The following CHEK1 variants were observed in gnomAD, a reference collection of about 807,000 sequenced individuals.
The protein encoded by CHEK1 is serine/threonine-protein kinase Chk1.
Under a neutral mutation model 60.2 loss-of-function variants are expected in CHEK1, and 32 were observed. That is an observed-to-expected ratio of 0.53 (90% CI 0.40 to 0.71). The LOEUF (loss-of-function observed/expected upper bound fraction) is 0.71. Among genes scored for constraint, CHEK1 ranks in the 30% least tolerant of loss-of-function variants. The probability of loss-of-function intolerance (pLI) is 0.00; values close to 1 mark genes in which losing one functional copy is unlikely to be tolerated. For missense variants in CHEK1, 399 were observed against 564.6 expected, an observed-to-expected ratio of 0.71 and a Z score of 2.97; for synonymous variants, 179 against 187.2, an observed-to-expected ratio of 0.96 and a Z score of 0.36.
Position 125,629,269 on chromosome 11 carries a change from ATTC to A in CHEK1, c.331_333del (p.Phe111del). The A allele has an allele frequency of 6.2e-7, 1 of 1,614,168 alleles. No homozygotes were observed. The highest frequency in any genetic ancestry group is 8.5e-7 in the Non-Finnish European group (1 of 1,180,026). ...GCATGCCTGAACCAGATGCTCAGAG[ATTC>A]TTCCATCAACTCATGGCAGGGGTGG... On this transcript the variant is annotated inframe_deletion, in exon 4 of 13. Transcript: ENST00000438015.
At chr11:125,642,828 C>G (rs1941355839) in intron 8 of CHEK1, 1 of 152,018 alleles carries the variant, frequency 6.6e-6, no homozygotes, top group Non-Finnish European at 1.5e-5. Flanking sequence ...TATTTTTTCT[C>G]TGAAATGGGA....
At chr11:125,632,759 G>A (rs938512036) in intron 5 of CHEK1, among the ~76,000 whole-genome samples, 14 of 152,216 alleles carry the variant, frequency 9.2e-5, no homozygotes, top group African/African-American at 3.4e-4. Context: ...GTTTGCTGCT[G>A]AGAAAGTTGT....
intron 8 of CHEK1, among the ~76,000 whole-genome samples, chr11:125,637,965 C>G (rs1054616654): frequency 2.6e-5 from 4 of 152,182 alleles, no homozygotes; most frequent in Admixed American, 2.6e-4. Flanking sequence ...TTGTGTTCAT[C>G]ATTGTATCAT....
downstream of CHEK1, chr11:125,677,838 C>T: frequency 6.2e-7 from 1 of 1,614,126 alleles, no homozygotes; most frequent in Non-Finnish European, 8.5e-7. Context: ...AGCCTGTTCC[C>T]CTGAAGCGTG....
At chr11:125,644,875 G>C (rs1406297971) in intron 11 of CHEK1, among the ~76,000 whole-genome samples, 1 of 152,058 alleles carries the variant, frequency 6.6e-6, no homozygotes, top group East Asian at 1.9e-4. Context: ...CGGCCTGGTG[G>C]TGCATGGCTG....
In CHEK1 at chr11:125,627,977, C is replaced by T. The variant is rs1055106865; in HGVS notation, c.289+147C>T. The T allele has an allele frequency of 2.8e-5, 17 of 601,278 alleles. No homozygotes were observed. In the South Asian group the frequency reaches 3.9e-4, roughly 14 times the overall value. The allele number at this position is 601,278 out of a possible 1,614,324, so 37.2% of individuals were successfully genotyped here. A position where few individuals can be genotyped will look rare whatever the true frequency, so the allele number is the denominator to read the frequency against. On this transcript the variant is annotated intron_variant, in intron 3 of 12. Transcript: ENST00000438015. Reference sequence around the variant, plus strand: ...CATTATCTTTAAAAAATTTTTCCACCTGGTGTTAATAACATAAAAGCATAT... The same window carrying T: ...CATTATCTTTAAAAAATTTTTCCACTTGGTGTTAATAACATAAAAGCATAT...
At chr11:125,645,167 T>G (rs1386203973) in intron 11 of CHEK1, among the ~76,000 whole-genome samples, 4 of 152,190 alleles carry the variant, frequency 2.6e-5, no homozygotes, top group Non-Finnish European at 4.4e-5. Context: ...TAAGAAATAA[T>G]ATTTCTTAAA....
chr11:125,672,418 A>C (rs937366146), intron 13 of CHEK1: 1 of 710,974 alleles, frequency 1.4e-6, no homozygotes, highest in African/African-American at 1.8e-5. Flanking sequence ...GACAGAGAAG[A>C]ATGGATAAAA....
Position 125,625,803 on chromosome 11 carries a change from C to T in CHEK1, c.-230C>T. Reference sequence around the variant, plus strand: ...TAAATCTCTTCAGCCAGGATCTCTCCCCGACTGCAAAGCAGCCCTGGGCGG... The same window carrying T: ...TAAATCTCTTCAGCCAGGATCTCTCTCCGACTGCAAAGCAGCCCTGGGCGG... On this transcript the variant is annotated 5_prime_UTR_variant, in exon 1 of 13. Transcript: ENST00000438015. The T allele has an allele frequency of 1.4e-6, 1 of 701,920 alleles. No individual in the cohort carries two copies. The highest frequency in any genetic ancestry group is 1.5e-5 in the South Asian group (1 of 67,584). 43.5% of individuals were successfully genotyped at this position (701,920 alleles called of 1,614,324 possible).
chr11:125,665,183 G>A (rs1478504755), intron 13 of CHEK1, among the ~76,000 whole-genome samples: 3 of 146,410 alleles, frequency 2.0e-5, no homozygotes, highest in African/African-American at 7.5e-5. Flanking sequence ...CTATAGCTTT[G>A]TAGTATAATT....
chr11:125,626,091 G>T (rs1940584697), intron 1 of CHEK1, 79 bp downstream of exon 1: 2 of 656,568 alleles, frequency 3.0e-6, no homozygotes, highest in Middle Eastern at 4.9e-4. Flanking sequence ...GGAGGGCATG[G>T]TGGGAGAAAG....
chr11:125,664,970 T>C (rs1942073411), intron 13 of CHEK1, among the ~76,000 whole-genome samples: 1 of 152,196 alleles, frequency 6.6e-6, no homozygotes, highest in Admixed American at 6.5e-5. Flanking sequence ...TGGTGAAAGA[T>C]ACGGCTCTAG....
Position 125,627,641 on chromosome 11 carries a change from G to C in CHEK1, c.100G>C (p.Ala34Pro). ...QLAVNRVTEE[A>P]VAVKIVDMKR... ...TGCTGTGAATAGAGTAACTGAAGAA[G>C]CAGTCGCAGTGAAGATTGTAGATAT... The change falls in exon 3 of 13, where the codon GCA becomes CCA. Residue 34 changes from alanine to proline, a missense_variant. Around this residue, in one of 2 missense-constraint regions of CHEK1, gnomAD observed 370 missense variants for 494.8 expected, o/e 0.75. Transcript: ENST00000438015. The C allele has an allele frequency of 6.2e-7, 1 of 1,613,790 alleles. No homozygotes were observed. Among genetic ancestry groups the C allele is most frequent in the African/African-American group, 1.3e-5 (1 of 75,036 alleles).
At chr11:125,654,351 T>G (rs1941834872) in intron 12 of CHEK1, among the ~76,000 whole-genome samples, 1 of 152,082 alleles carries the variant, frequency 6.6e-6, no homozygotes, top group South Asian at 2.1e-4. Context: ...AAATTTCTGC[T>G]TTTGTGAAAA....
chr11:125,627,013 G>A (rs979247567), intron 2 of CHEK1, among the ~76,000 whole-genome samples, 180 bp downstream of exon 2: 1 of 151,918 alleles, frequency 6.6e-6, no homozygotes, highest in Non-Finnish European at 1.5e-5. Flanking sequence ...AGTTTTCTTT[G>A]TAGAGAGCTG....
intron 13 of CHEK1, among the ~76,000 whole-genome samples, chr11:125,673,378 A>AT (rs1276953053): frequency 6.6e-6 from 1 of 151,158 alleles, no homozygotes; most frequent in African/African-American, 2.4e-5. Context: ...AATTTTTGTA[A>AT]TTTTATTAGA....
chr11:125,629,127 G>GT (rs1940753552), intron 3 of CHEK1, 105 bp from the exon 4 acceptor site: 1 of 1,084,364 alleles, frequency 9.2e-7, no homozygotes, highest in Non-Finnish European at 1.4e-6. Flanking sequence ...ATTTGCTTCT[G>GT]TTTGCCTAAG....
At chr11:125,630,161 C>T (rs1244606414) in intron 5 of CHEK1, among the ~76,000 whole-genome samples, 1 of 152,068 alleles carries the variant, frequency 6.6e-6, no homozygotes, top group Non-Finnish European at 1.5e-5. Context: ...GTTATATTTT[C>T]TGAATGTCAT....
At chr11:125,659,573 A>G (rs761403633), downstream of CHEK1, among the ~76,000 whole-genome samples, 26 of 151,854 alleles carry the variant, frequency 1.7e-4, no homozygotes, top group Admixed American at 1.5e-3. Flanking sequence ...TTTTTTCTAT[A>G]TTTTTACATT....
Sources: allele counts gnomAD v4.1 joint callset (sites outside exome capture counted in the v4.1 genomes callset), GRCh38; gene constraint gnomAD v4.1.1; regional missense constraint gnomAD v4.1.1; transcripts MANE v1.5; gene names NCBI Gene and HGNC (gene_info 2026-07-23, HGNC 2026-07-21).